Variants in APOLD1 observed in about 807,000 individuals in gnomAD.
APOLD1 encodes apolipoprotein L domain containing 1, also known as apolipoprotein L domain-containing protein 1.
APOLD1 carries 22 observed loss-of-function variants against 15.3 expected under a neutral mutation model. That is an observed-to-expected ratio of 1.44 (90% CI 1.03 to 2.05). APOLD1 has a LOEUF of 2.05. Ranked by LOEUF, APOLD1 falls within the 30% of genes most tolerant of loss-of-function variation. APOLD1 has a pLI of 0.00. For synonymous variants in APOLD1, 190 were observed against 167.4 expected (o/e 1.13, Z -1.04); for missense variants, 394 against 353.5 (o/e 1.11, Z -0.92).
intron 1 of APOLD1, among the ~76,000 whole-genome samples, chr12:12,751,746 A>G (rs888678238): frequency 1.3e-5 from 2 of 152,244 alleles, no homozygotes; most frequent in Admixed American, 1.3e-4. Context: ...AGAATCTGTG[A>G]GTATGTTATA....
chr12:12,732,867 T>A (rs1038985284), intron 1 of APOLD1, among the ~76,000 whole-genome samples: 4 of 152,058 alleles, frequency 2.6e-5, no homozygotes, highest in Admixed American at 6.6e-5. Context: ...AATATTAGAT[T>A]TTAAAAAGAA....
At chr12:12,764,544 G>A (rs1946929633) in intron 1 of APOLD1, 2 of 260,410 alleles carry the variant, frequency 7.7e-6, no homozygotes, top group Non-Finnish European at 1.6e-5. Context: ...TACCTCTAGA[G>A]GGTGAAAACA....
chr12:12,766,427 C>A (rs140228432), intron 1 of APOLD1, among the ~76,000 whole-genome samples: 2 of 152,214 alleles, frequency 1.3e-5, no homozygotes, highest in East Asian at 3.9e-4. Flanking sequence ...TACAGTTGCA[C>A]AAAGGACAAA....
chr12:12,757,879 C>A (rs1046661769), intron 1 of APOLD1, among the ~76,000 whole-genome samples: 1 of 151,248 alleles, frequency 6.6e-6, no homozygotes, highest in African/African-American at 2.4e-5. Flanking sequence ...TAAGGGGGAA[C>A]TGCTGTAACT....
intron 1 of APOLD1, among the ~76,000 whole-genome samples, chr12:12,740,679 G>A (rs1431375974): frequency 6.6e-6 from 1 of 152,130 alleles, no homozygotes; most frequent in Non-Finnish European, 1.5e-5. Context: ...AAATTTCAAG[G>A]TCCCTCCAGG....
chr12:12,767,596 G>A (rs1946951511), intron 1 of APOLD1, among the ~76,000 whole-genome samples: 1 of 152,264 alleles, frequency 6.6e-6, no homozygotes, highest in Middle Eastern at 3.4e-3. Flanking sequence ...GGGAGGCGGA[G>A]GTTGCAGTGA....
Position 12,786,927 on chromosome 12 carries a change from GC to G in APOLD1, c.25del (p.Arg9GlyfsTer46). MGMERPAAREPHGPDALR... is the reference protein window; with the variant it reads MGMERPAXREPHGPDALR... ...CCCGCAGGGAATGGAGAGGCCGGCG[GC>G]CCGGGAGCCGCATGGGCCCGACGCG... On this transcript the variant is annotated frameshift_variant, in exon 2 of 2. Transcript: ENST00000356591. LOFTEE classifies it high-confidence loss of function. The G allele has an allele frequency of 6.9e-7, 1 of 1,450,320 alleles. No homozygotes were observed. 89.8% of individuals were successfully genotyped at this position (1,450,320 alleles called of 1,614,324 possible).
chr12:12,737,770 G>T (rs2089535912), intron 1 of APOLD1, among the ~76,000 whole-genome samples: 1 of 152,322 alleles, frequency 6.6e-6, no homozygotes, highest in Non-Finnish European at 1.5e-5. Context: ...GAGTAGAGCT[G>T]TAGTTCCTAC....
rs80218995 is a variant in APOLD1, at chr12:12,761,081, A to T, written c.97-25828A>T. 5.3e-3 allele frequency among the ~76,000 whole-genome samples: 802 copies of T among 152,368 alleles called. 5 individuals are homozygous for T. The highest frequency in any genetic ancestry group is 0.018 in the African/African-American group (743 of 41,584). On this transcript the variant is annotated intron_variant, in intron 1 of 1. Transcript: ENST00000326765. Reference sequence around the variant, plus strand: ...TGTCTGCGTCCTGAATAGAAGTTATATATTATGTGAACATACACTAAAATT... The same window carrying T: ...TGTCTGCGTCCTGAATAGAAGTTATTTATTATGTGAACATACACTAAAATT...
intron 1 of APOLD1, chr12:12,786,607 A>AT: frequency 3.1e-6 from 3 of 972,702 alleles, no homozygotes; most frequent in Non-Finnish European, 3.7e-6. Context: ...TTTAAATCTT[A>AT]TTTAACACAT....
intron 1 of APOLD1, among the ~76,000 whole-genome samples, chr12:12,750,372 CAAAAAAAAA>C (rs34629361): frequency 6.5e-4 from 49 of 75,404 alleles, no homozygotes; most frequent in South Asian, 1.9e-3. Flanking sequence ...GACTCTGTCT[CAAAAAAAAA>C]AAAAAAAAAA....
chr12:12,777,889 G>GTTTTTTTTTTT lies in APOLD1; in HGVS notation c.97-8994_97-8984dup, dbSNP rs71436735. ...AAATATCTTCTCTACAAGGAAAGGT[G>GTTTTTTTTTTT]TTTTTTTTTTTTTTTTTTTTTTTTT... On this transcript the variant is annotated intron_variant, in intron 1 of 1. Transcript: ENST00000326765. Among the ~76,000 whole-genome samples, 40 of 117,082 alleles carry GTTTTTTTTTTT rather than the reference G, an allele frequency of 3.4e-4. 2 individuals carry two copies. The highest frequency in any genetic ancestry group is 5.5e-4 in the Non-Finnish European group (32 of 58,322). The allele number at this position is 117,082 out of a possible 152,430, so 76.8% of individuals were successfully genotyped here.
chr12:12,760,509 G>A (rs947633139), intron 1 of APOLD1, among the ~76,000 whole-genome samples: 3 of 151,300 alleles, frequency 2.0e-5, no homozygotes, highest in African/African-American at 7.3e-5. Context: ...CGTGGTTCTG[G>A]GCGCCTATAA....
At chr12:12,781,163 C>T (rs1947076591), upstream of APOLD1, among the ~76,000 whole-genome samples, 1 of 152,132 alleles carries the variant, frequency 6.6e-6, no homozygotes, top group Admixed American at 6.5e-5. Flanking sequence ...AACTGAGAGG[C>T]TAGGCACTGT....
intron 1 of APOLD1, among the ~76,000 whole-genome samples, chr12:12,727,612 A>AC (rs1555086917): frequency 6.6e-6 from 1 of 151,394 alleles, no homozygotes; most frequent in African/African-American, 2.4e-5. Context: ...TCTTCTTCTT[A>AC]TTTTTTTTAA....
intron 1 of APOLD1, among the ~76,000 whole-genome samples, chr12:12,753,036 A>C (rs1165182041): frequency 6.6e-6 from 1 of 152,170 alleles, no homozygotes; most frequent in Non-Finnish European, 1.5e-5. Flanking sequence ...CTCACGTTGG[A>C]ACACTAGCCA....
At position 12,787,137 on chromosome 12, in the gene APOLD1, C is replaced by T. The variant is rs1947136153; in HGVS notation, c.232C>T (p.Pro78Ser). 2 of 1,489,276 alleles carry T rather than the reference C, an allele frequency of 1.3e-6. No individual in the cohort carries two copies. Among genetic ancestry groups the T allele is most frequent in the African/African-American group, 1.4e-5 (1 of 70,772 alleles). 92.3% of individuals were successfully genotyped at this position (1,489,276 alleles called of 1,614,324 possible). A position where few individuals can be genotyped will look rare whatever the true frequency, so the allele number is the denominator to read the frequency against. ...LAAIVGLSLS[P>S]VTLGTSLLVS... ...CGCCATCGTGGGGCTCTCGCTCAGC[C>T]CGGTCACCCTGGGGACCTCGCTGCT... is the stretch of plus-strand genomic sequence containing the variant. The change falls in exon 2 of 2, where the codon CCG becomes TCG. Residue 78 changes from proline to serine, a missense_variant. By Grantham distance (74) the Pro-to-Ser change is moderately conservative. Coordinates refer to ENST00000356591, the MANE Select transcript of APOLD1 (RefSeq NM_030817.3). This position sits in a 1 kb window ranked among gnomAD's most constrained non-coding sequence, Gnocchi z 4.9.
chr12:12,787,121 G>T lies in APOLD1; in HGVS notation c.216G>T (p.Val72=). Residue 72 remains valine (V), a synonymous_variant, in exon 2 of 2, where the codon GTG becomes GTT. Transcript: ENST00000356591. This position sits in a 1 kb window ranked among gnomAD's most constrained non-coding sequence, Gnocchi z 4.9. ...CAACGGGCGCCCTCGCCGCCATCGT[G>T]GGGCTCTCGCTCAGCCCGGTCACCC... ...LSATGALAAI[V]GLSLSPVTLG... The T allele has an allele frequency of 1.4e-6, 2 of 1,449,056 alleles. No individual in the cohort carries two copies. The highest frequency in any genetic ancestry group is 2.7e-5 in the East Asian group (1 of 37,616). The allele number at this position is 1,449,056 out of a possible 1,614,324, so 89.8% of individuals were successfully genotyped here.
intron 1 of APOLD1, among the ~76,000 whole-genome samples, chr12:12,736,760 G>T (rs1946689914): frequency 6.6e-6 from 1 of 152,194 alleles, no homozygotes; most frequent in Admixed American, 6.5e-5. Context: ...CATTAAGTAA[G>T]GAGGGTGTAA....
Sources: gnomAD v4.1 joint callset for allele counts (sites outside exome capture counted in the v4.1 genomes callset) on GRCh38, gnomAD v4.1.1 for gene constraint, Gnocchi (gnomAD v3.1) non-coding constraint, MANE v1.5 for transcripts, NCBI Gene and HGNC (gene_info 2026-07-23, HGNC 2026-07-21) for gene names.